Variants in NR3C1 observed in about 807,000 individuals in gnomAD.
NR3C1 encodes glucocorticoid receptor.
Under a neutral mutation model 74.0 loss-of-function variants are expected in NR3C1, and 14 were observed. The observed-to-expected ratio is 0.19, with a 90% CI of 0.12 to 0.30. The LOEUF is 0.30. Among genes scored for constraint, NR3C1 ranks in the 10% least tolerant of loss-of-function variants. The probability of loss-of-function intolerance (pLI) is 1.00; values close to 1 mark genes in which losing one functional copy is unlikely to be tolerated. For missense variants in NR3C1, 695 were observed against 909.8 expected (o/e 0.76, Z 3.04); for synonymous variants, 308 against 332.5 (o/e 0.93, Z 0.80).
intron 2 of NR3C1, among the ~76,000 whole-genome samples, chr5:143,324,193 C>G (rs1047507542): frequency 6.6e-6 from 1 of 152,272 alleles, no homozygotes; most frequent in Non-Finnish European, 1.5e-5. Flanking sequence ...CCACATTTCC[C>G]TTCTGCACTG....
At chr5:143,401,230 A>C (rs965338552) in intron 1 of NR3C1, 9 of 244,562 alleles carry the variant, frequency 3.7e-5, no homozygotes, top group Non-Finnish European at 8.1e-6. Context: ...ATTTCAAAAA[A>C]AGGAAGTGTG....
intron 2 of NR3C1, among the ~76,000 whole-genome samples, chr5:143,348,873 C>T (rs1438143411): frequency 6.6e-6 from 1 of 152,076 alleles, no homozygotes; most frequent in Non-Finnish European, 1.5e-5. Flanking sequence ...GAGAATAGGT[C>T]TTACTGTATT....
chr5:143,428,128 C>T (rs1751630025), intron 1 of NR3C1, among the ~76,000 whole-genome samples: 1 of 152,176 alleles, frequency 6.6e-6, no homozygotes, highest in Admixed American at 6.5e-5. Context: ...AGAGGACTTA[C>T]AGGCGAATAG....
intron 1 of NR3C1, among the ~76,000 whole-genome samples, chr5:143,428,712 A>G (rs1010310401): frequency 6.6e-6 from 1 of 152,204 alleles, no homozygotes; most frequent in Admixed American, 6.5e-5. Context: ...ATTTAACTGT[A>G]CAGGACTTGG....
At chr5:143,339,024 T>G (rs1355833272) in intron 2 of NR3C1, among the ~76,000 whole-genome samples, 1 of 152,216 alleles carries the variant, frequency 6.6e-6, no homozygotes, top group Non-Finnish European at 1.5e-5. Context: ...TACAGTAACA[T>G]GCTGTAAGTT....
chr5:143,395,151 A>G (rs1039569344), intron 2 of NR3C1, among the ~76,000 whole-genome samples: 6 of 152,010 alleles, frequency 3.9e-5, no homozygotes, highest in Non-Finnish European at 8.8e-5. Flanking sequence ...TTAGCATAGA[A>G]ATGATCACAC....
At chr5:143,286,555 T>C (rs1384410614) in intron 7 of NR3C1, among the ~76,000 whole-genome samples, 2 of 152,124 alleles carry the variant, frequency 1.3e-5, no homozygotes, top group African/African-American at 4.8e-5. Flanking sequence ...TTTTTTTTGC[T>C]ATTATGAATA....
intron 1 of NR3C1, among the ~76,000 whole-genome samples, chr5:143,409,921 A>G (rs1841237339): frequency 1.3e-5 from 2 of 152,216 alleles, no homozygotes; most frequent in African/African-American, 4.8e-5. Context: ...TTGTGCTCAT[A>G]TGCGTGAAAT....
chr5:143,384,933 G>A (rs900993826), intron 2 of NR3C1, among the ~76,000 whole-genome samples: 3 of 152,250 alleles, frequency 2.0e-5, no homozygotes, highest in Admixed American at 6.5e-5. Flanking sequence ...TGCCCTAGCA[G>A]AGGATCTCCA....
chr5:143,429,309 T>C (rs750199335), intron 1 of NR3C1, among the ~76,000 whole-genome samples: 12 of 152,206 alleles, frequency 7.9e-5, no homozygotes, highest in Non-Finnish European at 1.3e-4. Context: ...GTCTGACCAC[T>C]GAGCACAATT....
chr5:143,402,851 G>T, intron 1 of NR3C1: 1 of 984,068 alleles, frequency 1.0e-6, no homozygotes, highest in Non-Finnish European at 1.2e-6. Flanking sequence ...AACGGGTGTC[G>T]GGCGACCCCC....
chr5:143,295,335 T>C, intron 7 of NR3C1, 125 bp downstream of exon 7: 2 of 1,425,936 alleles, frequency 1.4e-6, no homozygotes, highest in Non-Finnish European at 1.8e-6. Flanking sequence ...ATAAAAATCA[T>C]CTGACTAGTA....
intron 7 of NR3C1, among the ~76,000 whole-genome samples, chr5:143,291,049 A>G (rs1348446569): frequency 6.6e-6 from 1 of 151,822 alleles, no homozygotes; most frequent in Non-Finnish European, 1.5e-5. Flanking sequence ...GGTACTTTGC[A>G]TACCCTGCAT....
intron 2 of NR3C1, among the ~76,000 whole-genome samples, chr5:143,388,625 C>T (rs1837688015): frequency 6.6e-6 from 1 of 152,146 alleles, no homozygotes; most frequent in African/African-American, 2.4e-5. Flanking sequence ...TCAGATAGAG[C>T]AGTCAGAGAT....
At chr5:143,289,245 C>A (rs1292972712) in intron 7 of NR3C1, among the ~76,000 whole-genome samples, 2 of 152,030 alleles carry the variant, frequency 1.3e-5, no homozygotes, top group Non-Finnish European at 2.9e-5. Flanking sequence ...GCATACAGAT[C>A]ATTGGGTAAG....
Position 143,300,371 on chromosome 5 carries a change from G to A in NR3C1, c.1747+114C>T. 1 of 1,316,196 alleles carries A rather than the reference G, an allele frequency of 7.6e-7. No homozygotes were observed. The highest frequency in any genetic ancestry group is 1.1e-6 in the Non-Finnish European group (1 of 917,928). 81.5% of individuals were successfully genotyped at this position (1,316,196 alleles called of 1,614,324 possible). A position where few individuals can be genotyped will look rare whatever the true frequency, so the allele number is the denominator to read the frequency against. On this transcript the variant is annotated intron_variant, in intron 5 of 8. Coordinates refer to ENST00000394464, the MANE Select transcript of NR3C1 (RefSeq NM_000176.3). The surrounding 1 kb of genome is among the most constrained non-coding windows in gnomAD (Gnocchi z 5.2). Reference sequence around the variant, plus strand: ...CTGACTCTCCCCTTCATAGTCCCCAGAACTAAGAGAAACAAGATAAGCCAT... The same window carrying A: ...CTGACTCTCCCCTTCATAGTCCCCAAAACTAAGAGAAACAAGATAAGCCAT...
In NR3C1 at chr5:143,279,934, G is replaced by A. The variant is rs545962671; in HGVS notation, c.*1955C>T. ...ACATACTTTAGTGCAAGGGGAGATT[G>A]AGTAAACTAAACCTGCGCTGACAGA... is the stretch of plus-strand genomic sequence containing the variant. On this transcript the variant is annotated 3_prime_UTR_variant, in exon 9 of 9. Transcript: ENST00000394464. The A allele has an allele frequency of 6.5e-6, 1 of 152,946 alleles. No individual in the cohort carries two copies. The highest frequency in any genetic ancestry group is 6.5e-5 in the Admixed American group (1 of 15,290). 9.5% of individuals were successfully genotyped at this position (152,946 alleles called of 1,614,324 possible). A position where few individuals can be genotyped will look rare whatever the true frequency, so the allele number is the denominator to read the frequency against.
At chr5:143,399,010 G>C (rs41423247) in intron 2 of NR3C1, among the ~76,000 whole-genome samples, 46,951 of 152,026 alleles carry the variant, frequency 0.31, 7,823 homozygotes, top group Non-Finnish European at 0.37. Flanking sequence ...TAAAGAGATT[G>C]ATCAGCAGAC....
chr5:143,313,274 A>G (rs1020947991), intron 3 of NR3C1, among the ~76,000 whole-genome samples: 1 of 152,186 alleles, frequency 6.6e-6, no homozygotes, highest in African/African-American at 2.4e-5. Flanking sequence ...CTCATTCTTT[A>G]GGGAGATAAT....
Sources: gnomAD v4.1 joint callset for allele counts (sites outside exome capture counted in the v4.1 genomes callset) on GRCh38, gnomAD v4.1.1 for gene constraint, Gnocchi (gnomAD v3.1) non-coding constraint, MANE v1.5 for transcripts, NCBI Gene and HGNC (gene_info 2026-07-23, HGNC 2026-07-21) for gene names.